ZNF10: variants seen among roughly 807,000 people sequenced by gnomAD.
The protein encoded by ZNF10 is zinc finger protein 10 (KOX 1).
Under a neutral mutation model 12.2 loss-of-function variants are expected in ZNF10, and 8 were observed. The ratio of observed to expected loss-of-function variants is 0.66; its 90% confidence interval spans 0.39 to 1.18. The LOEUF is 1.18. ZNF10 is among the 50% of genes most tolerant of loss of function. The probability of loss-of-function intolerance (pLI) is 0.01; values close to 1 mark genes in which losing one functional copy is unlikely to be tolerated. For missense variants in ZNF10, 603 were observed against 678.9 expected (o/e 0.89, Z 1.24); for synonymous variants, 229 against 228.2 (o/e 1.00, Z -0.03).
At chr12:133,143,452 G>A (rs1955957974) in intron 1 of ZNF10, 2 of 151,742 alleles carry the variant, frequency 1.3e-5, no homozygotes. Flanking sequence ...AAAGCCAAAG[G>A]CACAAAAAAG....
chr12:133,148,750 G>GTTTTTTTT lies in ZNF10; in HGVS notation c.34-2278_34-2277insTTTTTTTT, dbSNP rs201972025. Among the ~76,000 whole-genome samples the GTTTTTTTT allele has an allele frequency of 5.8e-5, 8 of 137,408 alleles. 1 individual carries two copies. The highest frequency in any genetic ancestry group is 2.3e-4 in the South Asian group (1 of 4,348). The allele number at this position is 137,408 out of a possible 152,430, so 90.1% of individuals were successfully genotyped here. ...AGGTTTCTAGGTTGTATTCAATGTT[G>GTTTTTTTT]GTTTTTTTTTTTTTTTTTTGAGTTG... On this transcript the variant is annotated intron_variant, in intron 2 of 4. Coordinates refer to ENST00000248211, the MANE Select transcript of ZNF10 (RefSeq NM_015394.5).
chr12:133,137,306 T>C (rs890284029), intron 1 of ZNF10, among the ~76,000 whole-genome samples: 1 of 152,214 alleles, frequency 6.6e-6, no homozygotes, highest in African/African-American at 2.4e-5. Flanking sequence ...TAATATTGTT[T>C]CCTGGCTTAC....
chr12:133,151,752 G>T, intron 3 of ZNF10, 57 bp from the exon 4 acceptor site: 1 of 1,392,648 alleles, frequency 7.2e-7, no homozygotes. Flanking sequence ...GTTTCTTCGT[G>T]CCTACCTCAG....
chr12:133,156,448 G>A lies in ZNF10; in HGVS notation c.1202G>A (p.Arg401Lys), dbSNP rs1412668890. Reference sequence around the variant, plus strand: ...ATTCTGCATCAGAGAACCCATGTGAGAGTGAGGCCCTATGAATGCAATGAA... The same window carrying A: ...ATTCTGCATCAGAGAACCCATGTGAAAGTGAGGCCCTATGAATGCAATGAA... ...HLILHQRTHV[R>K]VRPYECNECG... The change falls in exon 5 of 5, where the codon AGA becomes AAA. Residue 401 changes from arginine (R) to lysine (K), a missense_variant. By Grantham distance (26) the Arg-to-Lys change is conservative. This residue lies in a region of ZNF10 where 204 missense variants were observed against 262.8 expected (regional missense o/e 0.78). Transcript: ENST00000248211. 1.9e-6 allele frequency: 3 copies of A among 1,613,540 alleles called. 1 individual carries two copies. The South Asian group carries it at 3.3e-5, about 18-fold the overall frequency.
rs149423400 is a variant in ZNF10, at chr12:133,153,002, A to G, written c.256+1098A>G. On this transcript the variant is annotated intron_variant, in intron 4 of 4. Coordinates refer to ENST00000248211, the MANE Select transcript of ZNF10 (RefSeq NM_015394.5). ...TGTATCAAAATGGTATCTCAAAGCA[A>G]GTCTTTCTTTGGGACCATGGGAGGA... 3.9e-5 allele frequency among the ~76,000 whole-genome samples: 6 copies of G among 152,182 alleles called. No individual in the cohort carries two copies. The East Asian group carries it at 1.2e-3, about 29-fold the overall frequency.
Position 133,155,590 on chromosome 12 carries a change from G to T in ZNF10, c.344G>T (p.Gly115Val). 6.2e-7 allele frequency: 1 copy of T among 1,613,696 alleles called. No individual in the cohort carries two copies. Among genetic ancestry groups the T allele is most frequent in the Non-Finnish European group, 8.5e-7 (1 of 1,179,912 alleles). ...DKQSCDIKME[G>V]MARNDLWYLS... ...CAATCCTGTGACATTAAAATGGAAG[G>T]AATGGCAAGGAATGATCTCTGGTAT... The change falls in exon 5 of 5, where the codon GGA (glycine) becomes GTA (valine). Residue 115 changes from glycine (G) to valine (V), a missense_variant. Coordinates refer to ENST00000248211, the MANE Select transcript of ZNF10 (RefSeq NM_015394.5).
At chr12:133,152,005 T>G (rs1956011372) in intron 4 of ZNF10, 101 bp downstream of exon 4, 1 of 846,554 alleles carries the variant, frequency 1.2e-6, no homozygotes, top group Non-Finnish European at 1.9e-6. Flanking sequence ...CACAGGCCCT[T>G]CTTCCTGGGA....
intron 2 of ZNF10, among the ~76,000 whole-genome samples, chr12:133,146,610 C>T (rs928447290): frequency 1.1e-4 from 16 of 152,204 alleles, no homozygotes; most frequent in African/African-American, 3.1e-4. Flanking sequence ...CTTTGGGAGG[C>T]GGAGGCGGGT....
chr12:133,144,291 A>C, intron 1 of ZNF10, 143 bp from the exon 2 acceptor site: 1 of 458,102 alleles, frequency 2.2e-6, no homozygotes, highest in Non-Finnish European at 3.9e-6. Context: ...GGCACTGTAG[A>C]TTTGCTTATA....
intron 4 of ZNF10, among the ~76,000 whole-genome samples, chr12:133,153,463 A>G (rs1956020565): frequency 6.6e-6 from 1 of 152,124 alleles, no homozygotes; most frequent in South Asian, 2.1e-4. Flanking sequence ...CACCCCCCTT[A>G]TCATAGATAT....
At chr12:133,148,750 G>GTTTTTTTTTTTTTTTTTTTTTTT (rs201972025) in intron 2 of ZNF10, among the ~76,000 whole-genome samples, 3 of 137,408 alleles carry the variant, frequency 2.2e-5, no homozygotes, top group Non-Finnish European at 3.2e-5. Context: ...ATTCAATGTT[G>GTTTTTTTTTTTTTTTTTTTTTTT]GTTTTTTTTT....
chr12:133,148,789 G>A (rs956487324), intron 2 of ZNF10, among the ~76,000 whole-genome samples: 4 of 130,534 alleles, frequency 3.1e-5, no homozygotes, highest in African/African-American at 1.2e-4. Flanking sequence ...TTTTGCTCTC[G>A]TTGCCCAGGC....
chr12:133,150,869 T>TGACTAGAATAAATACTACTCAC, intron 2 of ZNF10, 159 bp from the exon 3 acceptor site: 1 of 751,892 alleles, frequency 1.3e-6, no homozygotes, highest in South Asian at 4.3e-5. Context: ...TTTTAAGACT[T>TGACTAGAATAAATACTACTCAC]GACTAGAATA....
Position 133,158,655 on chromosome 12 carries a change from A to G in ZNF10, c.*1687A>G, listed in dbSNP as rs1956056080. ...ATATAGGGACTGACCATGATTCTCC[A>G]TTTTCTGGCATAAATATTAGCTGCT... On this transcript the variant is annotated 3_prime_UTR_variant, in exon 5 of 5. Transcript: ENST00000248211. The G allele has an allele frequency of 6.6e-6, 1 of 152,156 alleles. No individual in the cohort carries two copies. Among genetic ancestry groups the G allele is most frequent in the African/African-American group, 2.4e-5 (1 of 41,440 alleles). The allele number at this position is 152,156 out of a possible 1,614,324, so 9.4% of individuals were successfully genotyped here. A position where few individuals can be genotyped will look rare whatever the true frequency, so the allele number is the denominator to read the frequency against.
chr12:133,132,486 T>G (rs753437398), intron 1 of ZNF10, among the ~76,000 whole-genome samples: 7 of 152,046 alleles, frequency 4.6e-5, no homozygotes, highest in Admixed American at 1.3e-4. Context: ...ACATCTTAAA[T>G]TAACAAGAGC....
intron 1 of ZNF10, among the ~76,000 whole-genome samples, chr12:133,142,729 T>C (rs1566346085): frequency 6.6e-6 from 1 of 152,184 alleles, no homozygotes; most frequent in Non-Finnish European, 1.5e-5. Context: ...AATTAGAATA[T>C]GCATATATAT....
intron 1 of ZNF10, among the ~76,000 whole-genome samples, chr12:133,140,794 T>G (rs908460519): frequency 6.6e-6 from 1 of 152,228 alleles, no homozygotes; most frequent in Non-Finnish European, 1.5e-5. Context: ...TTGCTCTGTC[T>G]TCTGAAGATT....
At chr12:133,154,123 G>T (rs1395850300) in intron 4 of ZNF10, among the ~76,000 whole-genome samples, 1 of 151,650 alleles carries the variant, frequency 6.6e-6, no homozygotes, top group Admixed American at 6.6e-5. Context: ...TGTCGGCGGG[G>T]GGGATACAGT....
chr12:133,132,112 A>G (rs1234561905), intron 1 of ZNF10, among the ~76,000 whole-genome samples: 1 of 152,214 alleles, frequency 6.6e-6, no homozygotes, highest in Non-Finnish European at 1.5e-5. Context: ...AAGTCTTCAC[A>G]ATAGGAAGAA....
Sources: gnomAD v4.1 joint callset for allele counts (sites outside exome capture counted in the v4.1 genomes callset) on GRCh38, gnomAD v4.1.1 for gene constraint, gnomAD v4.1.1 regional missense constraint, MANE v1.5 for transcripts, NCBI Gene and HGNC (gene_info 2026-07-23, HGNC 2026-07-21) for gene names.